The following COQ9 variants were observed in gnomAD, a reference collection of about 807,000 sequenced individuals.
COQ9 encodes the protein coenzyme Q9, also known as ubiquinone biosynthesis protein COQ9, mitochondrial.
In COQ9, 35 loss-of-function variants were observed where a neutral mutation model predicts 42.4. The observed-to-expected ratio is 0.83, with a 90% confidence interval of 0.63 to 1.10. The LOEUF (loss-of-function observed/expected upper bound fraction) is 1.10, where lower values mean the gene tolerates loss of function less well. Among genes scored for constraint, COQ9 ranks in the 50% least tolerant of loss-of-function variants. The pLI, the probability that COQ9 is intolerant of heterozygous loss-of-function variation, is 0.00. For synonymous variants in COQ9, 155 were observed against 155.1 expected (o/e 1.00, Z 0.00); for missense variants, 406 against 414.6 (o/e 0.98, Z 0.18).
In COQ9 at chr16:57,451,041, G is replaced by A. The variant is rs758300538; in HGVS notation, c.75G>A (p.Val25=). The A allele has an allele frequency of 1.2e-6, 2 of 1,613,874 alleles. No homozygotes were observed. Among genetic ancestry groups the A allele is most frequent in the Non-Finnish European group, 1.7e-6 (2 of 1,180,008 alleles). The change falls in exon 2 of 9, where the codon GTG becomes GTA. Residue 25 remains valine, a splice_region_variant and synonymous_variant. Coordinates refer to ENST00000262507, the MANE Select transcript of COQ9 (RefSeq NM_020312.4). ...CTGACTGACCAGTTTCTGTTTCAGTGGCCCGTTGCCGACAAGCCCTGGTGC... is the reference window on the plus strand; with the variant it reads ...CTGACTGACCAGTTTCTGTTTCAGTAGCCCGTTGCCGACAAGCCCTGGTGC... ...WRLLQLRCLP[V]ARCRQALVPR...
rs1333355643 is a variant in COQ9, at chr16:57,461,023, A to C, written c.*399A>C. 14 of 369,942 alleles carry C rather than the reference A, an allele frequency of 3.8e-5. No homozygotes were observed. Among genetic ancestry groups the C allele is most frequent in the African/African-American group, 2.5e-4 (12 of 47,180 alleles). The allele number at this position is 369,942 out of a possible 1,614,324, so 22.9% of individuals were successfully genotyped here. A position where few individuals can be genotyped will look rare whatever the true frequency, so the allele number is the denominator to read the frequency against. Reference sequence around the variant, plus strand: ...CAGAGTCAAGGTCTGACGCCACCTCAAGGTGACAGCTCATCTCCAGCACAG... The same window carrying C: ...CAGAGTCAAGGTCTGACGCCACCTCCAGGTGACAGCTCATCTCCAGCACAG... On this transcript the variant is annotated 3_prime_UTR_variant, in exon 9 of 9. Transcript: ENST00000262507.
intron 8 of COQ9, 29 bp from the exon 9 acceptor site, chr16:57,460,560 T>G (rs1280325098): frequency 6.2e-7 from 1 of 1,612,050 alleles, no homozygotes; most frequent in Non-Finnish European, 8.5e-7. Flanking sequence ...AAGCCCTCAC[T>G]ATTCTCTTTA....
Position 57,458,318 on chromosome 16 carries a change from A to G in COQ9, c.679A>G (p.Met227Val), listed in dbSNP as rs748648629. Residue 227 changes from methionine (M) to valine (V), a missense_variant, in exon 6 of 9, where the codon ATG (methionine) becomes GTG (valine). By Grantham distance (21) the Met-to-Val change is conservative. Transcript: ENST00000262507. The part of the protein sequence containing the change: ...LSLLTSMVDD[M>V]WHYAGDQSTD... ...CCTGCTCACCAGCATGGTGGATGACATGTGGCATTACGCTGGGGACCAGTC... is the reference window on the plus strand; with the variant it reads ...CCTGCTCACCAGCATGGTGGATGACGTGTGGCATTACGCTGGGGACCAGTC... 6.8e-6 allele frequency: 11 copies of G among 1,612,980 alleles called. No individual in the cohort carries two copies. In the East Asian group the frequency reaches 2.2e-4, roughly 33 times the overall value.
chr16:57,453,106 G>A (rs1555514335), intron 3 of COQ9, 170 bp downstream of exon 3: 3 of 806,574 alleles, frequency 3.7e-6, no homozygotes, highest in South Asian at 1.5e-5. Flanking sequence ...TTATTTTGTA[G>A]TTATAAAGAA....
chr16:57,453,008 G>A, intron 3 of COQ9, 72 bp downstream of exon 3: 1 of 1,589,482 alleles, frequency 6.3e-7, no homozygotes, highest in South Asian at 1.1e-5. Context: ...CAGAGCGGGG[G>A]GCCTCATGCC....
chr16:57,459,837 G>A, intron 7 of COQ9, 117 bp downstream of exon 7: 1 of 1,257,218 alleles, frequency 8.0e-7, no homozygotes, highest in South Asian at 1.2e-5. Flanking sequence ...GCCTTCCCAA[G>A]GGCCTGGCTG....
chr16:57,457,112 C>G (rs1380774022), intron 5 of COQ9, 97 bp downstream of exon 5: 1 of 947,462 alleles, frequency 1.1e-6, no homozygotes, highest in Admixed American at 1.9e-5. Flanking sequence ...CTGTTCAGAA[C>G]TTAGCTTCTC....
chr16:57,453,004 G>A (rs566868121), intron 3 of COQ9, 68 bp downstream of exon 3: 11 of 1,599,704 alleles, frequency 6.9e-6, no homozygotes, highest in Middle Eastern at 2.2e-4. Flanking sequence ...CAGGCAGAGC[G>A]GGGGGCCTCA....
rs2030150275 is a variant in COQ9 at position 57,447,530 on chromosome 16, G to T, written c.25G>T (p.Ala9Ser). 6.9e-6 allele frequency: 9 copies of T among 1,311,610 alleles called. No homozygotes were observed. The highest frequency in any genetic ancestry group is 8.8e-6 in the Non-Finnish European group (9 of 1,025,242). The allele number at this position is 1,311,610 out of a possible 1,614,324, so 81.2% of individuals were successfully genotyped here. A position where few individuals can be genotyped will look rare whatever the true frequency, so the allele number is the denominator to read the frequency against. The change falls in exon 1 of 9, where the codon GCG (alanine) becomes TCG (serine). Residue 9 changes from alanine to serine, a missense_variant. Physicochemically the swap from Ala to Ser is moderately conservative, Grantham distance 99 (BLOSUM62 1). Transcript: ENST00000262507. The stretch of plus-strand genomic sequence containing the variant: ...AATGGCGGCGGCGGCGGTATCTGGT[G>T]CGCTTGGCCGGGCGGGCTGGAGGCT... MAAAAVSGALGRAGWRLLQ... is the reference protein window; with the variant it reads MAAAAVSGSLGRAGWRLLQ...
chr16:57,450,958 C>G, intron 1 of COQ9, 82 bp from the exon 2 acceptor site: 1 of 1,490,280 alleles, frequency 6.7e-7, no homozygotes, highest in Non-Finnish European at 9.2e-7. Flanking sequence ...CCTGCTTTTC[C>G]TCCTCCTTAT....
chr16:57,451,279 T>C, intron 2 of COQ9, 71 bp downstream of exon 2: 1 of 1,467,028 alleles, frequency 6.8e-7, no homozygotes, highest in Non-Finnish European at 9.6e-7. Context: ...TCACTTCCTC[T>C]CTCCTCTCCA....
At position 57,447,482 on chromosome 16, in the gene COQ9, G is replaced by C. The variant is rs1369365184; in HGVS notation, c.-24G>C. On this transcript the variant is annotated 5_prime_UTR_variant, in exon 1 of 9. Transcript: ENST00000262507. ...TCCCGTAGCTACCGGTCGCGTCGCC[G>C]TGGGCGACGTGCCCGCTTCCAAAAT... is the stretch of plus-strand genomic sequence containing the variant. 9 of 1,279,156 alleles carry C rather than the reference G, an allele frequency of 7.0e-6. No individual in the cohort carries two copies. In the South Asian group the frequency reaches 1.4e-4, roughly 20 times the overall value. 79.2% of individuals were successfully genotyped at this position (1,279,156 alleles called of 1,614,324 possible).
At chr16:57,455,702 G>A (rs1276930372) in intron 3 of COQ9, among the ~76,000 whole-genome samples, 4 of 152,070 alleles carry the variant, frequency 2.6e-5, no homozygotes, top group African/African-American at 4.8e-5. Context: ...GTGGCGAGGC[G>A]TTTGGCTGCG....
rs2030157818 is a variant in COQ9, at chr16:57,447,632, C to A, written c.73+54C>A. 5 of 1,221,944 alleles carry A rather than the reference C, an allele frequency of 4.1e-6. No individual in the cohort carries two copies. In the Admixed American group the frequency reaches 1.7e-4, roughly 41 times the overall value. The allele number at this position is 1,221,944 out of a possible 1,614,324, so 75.7% of individuals were successfully genotyped here. ...CGGGGAGCGCGGAGGGGGCGCGAGG[C>A]CGGCTTCAGCTGGGTTCGACGGTGG... On this transcript the variant is annotated intron_variant, in intron 1 of 8. Transcript: ENST00000262507.
intron 4 of COQ9, 98 bp downstream of exon 4, chr16:57,456,744 AAG>A: frequency 6.8e-7 from 1 of 1,480,568 alleles, no homozygotes; most frequent in South Asian, 1.2e-5. Context: ...GCAGAACCCA[AAG>A]AGAGCAGCAT....
chr16:57,449,069 C>T (rs1187226035), intron 1 of COQ9, among the ~76,000 whole-genome samples: 1 of 152,078 alleles, frequency 6.6e-6, no homozygotes, highest in East Asian at 1.9e-4. Flanking sequence ...GCAGAAGTCA[C>T]TGGGTGTTTC....
At position 57,456,546 on chromosome 16, in the gene COQ9, G is replaced by A; in HGVS notation, c.421G>A (p.Asp141Asn). 6.2e-7 allele frequency: 1 copy of A among 1,614,192 alleles called. No individual in the cohort carries two copies. The highest frequency in any genetic ancestry group is 8.5e-7 in the Non-Finnish European group (1 of 1,180,028). Reference protein sequence around the residue: ...SSAAASMFGKDGSELILHFVT... With the variant: ...SSAAASMFGKNGSELILHFVT... ...TGCAGCAGCCAGCATGTTCGGGAAG[G>A]ATGGCAGTGAGCTAATACTGCATTT... Residue 141 changes from aspartate (D) to asparagine (N), a missense_variant, in exon 4 of 9, where the codon GAT (aspartate) becomes AAT (asparagine). Asp to Asn is a conservative substitution (Grantham distance 23, BLOSUM62 1). Transcript: ENST00000262507.
chr16:57,449,455 C>A (rs192024171), intron 1 of COQ9, among the ~76,000 whole-genome samples: 115 of 152,122 alleles, frequency 7.6e-4, no homozygotes, highest in Middle Eastern at 3.4e-3. Flanking sequence ...GCCAGATATA[C>A]TGATAGGCAT....
At chr16:57,455,390 G>A (rs200030877) in intron 3 of COQ9, among the ~76,000 whole-genome samples, 42 of 141,134 alleles carry the variant, frequency 3.0e-4, no homozygotes, top group East Asian at 1.0e-3. Context: ...ATATATGCAC[G>A]CTGATTTTAT....
Sources: allele counts gnomAD v4.1 joint callset (sites outside exome capture counted in the v4.1 genomes callset), GRCh38; gene constraint gnomAD v4.1.1; transcripts MANE v1.5; gene names NCBI Gene and HGNC (gene_info 2026-07-23, HGNC 2026-07-21).